CRTAP: variants seen among roughly 807,000 people sequenced by gnomAD.
The protein encoded by CRTAP is cartilage associated protein.
A neutral mutation model predicts 42.7 loss-of-function variants in CRTAP; 33 were observed. The ratio of observed to expected loss-of-function variants is 0.77; its 90% CI spans 0.59 to 1.03. CRTAP has a LOEUF of 1.03. Among genes scored for constraint, CRTAP ranks in the 50% least tolerant of loss-of-function variants. The pLI, the probability that CRTAP is intolerant of heterozygous loss-of-function variation, is 0.00. For synonymous variants in CRTAP, 243 were observed against 217.7 expected, an observed-to-expected ratio of 1.12 and a Z score of -1.02; for missense variants, 613 against 533.9, an observed-to-expected ratio of 1.15 and a Z score of -1.46.
In CRTAP at chr3:33,143,243, G is replaced by A. The variant is rs916774968; in HGVS notation, c.*795G>A. On this transcript the variant is annotated 3_prime_UTR_variant, in exon 7 of 7. Coordinates refer to ENST00000320954, the MANE Select transcript of CRTAP (RefSeq NM_006371.5). The stretch of plus-strand genomic sequence containing the variant: ...TTCTCCCCATCCGGGAAAGATGGTG[G>A]AAGACATAGGCTAAATTTCTCCAGC... 1.3e-5 allele frequency: 2 copies of A among 152,238 alleles called. No individual in the cohort carries two copies. The highest frequency in any genetic ancestry group is 2.9e-5 in the Non-Finnish European group (2 of 68,060). The allele number at this position is 152,238 out of a possible 1,614,324, so 9.4% of individuals were successfully genotyped here.
intron 6 of CRTAP, among the ~76,000 whole-genome samples, chr3:33,139,807 A>G (rs981595990): frequency 1.3e-4 from 20 of 152,136 alleles, no homozygotes; most frequent in African/African-American, 4.6e-4. Context: ...TTTGTGTTGA[A>G]TTTTGTCAAA....
At chr3:33,141,225 C>T (rs989518001) in intron 6 of CRTAP, among the ~76,000 whole-genome samples, 1 of 152,166 alleles carries the variant, frequency 6.6e-6, no homozygotes, top group African/African-American at 2.4e-5. Context: ...TAAAAGCAAA[C>T]AATACCATCA....
chr3:33,124,411 C>G lies in CRTAP; in HGVS notation c.625C>G (p.Leu209Val). Residue 209 changes from leucine (L) to valine (V), a missense_variant, in exon 3 of 7, where the codon CTG becomes GTG. Physicochemically the swap from Leu to Val is conservative, Grantham distance 32 (BLOSUM62 1). Coordinates refer to ENST00000320954, the MANE Select transcript of CRTAP (RefSeq NM_006371.5). ...CTGGCTTCTCCATGCCTTTCAGAGC[C>G]TGTTCATCCGAGCAGTGCGGGCATA... ...KDLETKSYES[L>V]FIRAVRAYNG... is the part of the protein sequence containing the mutation. The G allele has an allele frequency of 1.2e-6, 2 of 1,614,092 alleles. No homozygotes were observed. Among genetic ancestry groups the G allele is most frequent in the Non-Finnish European group, 1.7e-6 (2 of 1,180,036 alleles).
chr3:33,133,389 G>A (rs1458046916), intron 5 of CRTAP, among the ~76,000 whole-genome samples: 1 of 151,760 alleles, frequency 6.6e-6, no homozygotes, highest in African/African-American at 2.4e-5. Context: ...CTCCCGAGTA[G>A]CTGGGATTAC....
At chr3:33,122,770 G>A (rs1445047814) in intron 2 of CRTAP, among the ~76,000 whole-genome samples, 2 of 149,668 alleles carry the variant, frequency 1.3e-5, no homozygotes, top group East Asian at 2.0e-4. Flanking sequence ...GAGGCCTTAA[G>A]CTTGGTGAAA....
rs1340669173 is a variant in CRTAP, at chr3:33,147,122, G to A, written c.*4674G>A. 6.6e-6 allele frequency: 1 copy of A among 152,596 alleles called. No homozygotes were observed. Among genetic ancestry groups the A allele is most frequent in the East Asian group, 1.9e-4 (1 of 5,190 alleles). 9.5% of individuals were successfully genotyped at this position (152,596 alleles called of 1,614,324 possible). A position where few individuals can be genotyped will look rare whatever the true frequency, so the allele number is the denominator to read the frequency against. ...ACTCCAGGCCTGAATGACCTAGTGT[G>A]GAGAGTTTAAACTATGTACAAGGGA... On this transcript the variant is annotated 3_prime_UTR_variant, in exon 7 of 7. Coordinates refer to ENST00000320954, the MANE Select transcript of CRTAP (RefSeq NM_006371.5).
In CRTAP at chr3:33,129,920, T is replaced by C. The variant is rs573928986; in HGVS notation, c.794-19T>C. On this transcript the variant is annotated intron_variant, in intron 3 of 6. Transcript: ENST00000320954. Reference sequence around the variant, plus strand: ...AGTAATGGATCCACTGCTCTGAAAATTTATATGTTTTGTTTCAGATCATTA... The same window carrying C: ...AGTAATGGATCCACTGCTCTGAAAACTTATATGTTTTGTTTCAGATCATTA... 51 of 1,610,014 alleles carry C rather than the reference T, an allele frequency of 3.2e-5. No homozygotes were observed. In the South Asian group the frequency reaches 4.9e-4, roughly 16 times the overall value.
chr3:33,138,562 T>C (rs555138717), intron 6 of CRTAP, among the ~76,000 whole-genome samples: 3 of 152,240 alleles, frequency 2.0e-5, no homozygotes, highest in Admixed American at 6.5e-5. Context: ...TTTTCACTTT[T>C]GGGCATATTC....
intron 6 of CRTAP, among the ~76,000 whole-genome samples, chr3:33,136,490 C>T (rs1485101074): frequency 6.6e-6 from 1 of 152,198 alleles, no homozygotes; most frequent in Non-Finnish European, 1.5e-5. Context: ...GTGGTTCATG[C>T]CTGTAATCCC....
intron 2 of CRTAP, among the ~76,000 whole-genome samples, chr3:33,123,625 G>T (rs1337227702): frequency 3.8e-5 from 4 of 106,352 alleles, no homozygotes; most frequent in African/African-American, 7.6e-5. Context: ...CCCAGTCTCG[G>T]TTTTTTTTTT....
In CRTAP at chr3:33,132,639, T is replaced by C; in HGVS notation, c.1007T>C (p.Val336Ala). 6.2e-7 allele frequency: 1 copy of C among 1,614,122 alleles called. No individual in the cohort carries two copies. Among genetic ancestry groups the C allele is most frequent in the East Asian group, 2.2e-5 (1 of 44,882 alleles). ...QNDKVMQQNLVYYQYHRDTWG... is the reference protein window; with the variant it reads ...QNDKVMQQNLAYYQYHRDTWG... ...GACAAGGTCATGCAGCAGAACCTGG[T>C]GTATTACCAGTACCACAGGGACACT... The change falls in exon 5 of 7, where the codon GTG becomes GCG. Residue 336 changes from valine (V) to alanine (A), a missense_variant. Coordinates refer to ENST00000320954, the MANE Select transcript of CRTAP (RefSeq NM_006371.5).
At chr3:33,140,794 A>C (rs2030549474) in intron 6 of CRTAP, among the ~76,000 whole-genome samples, 1 of 152,230 alleles carries the variant, frequency 6.6e-6, no homozygotes, top group Non-Finnish European at 1.5e-5. Context: ...GAGTGCTCTC[A>C]GGTAGGAACG....
At chr3:33,137,766 A>G (rs1160185719) in intron 6 of CRTAP, among the ~76,000 whole-genome samples, 1 of 152,188 alleles carries the variant, frequency 6.6e-6, no homozygotes, top group Non-Finnish European at 1.5e-5. Context: ...CTAAGAAACC[A>G]TTGCCTAATC....
chr3:33,141,565 T>G (rs2030573503), intron 6 of CRTAP, among the ~76,000 whole-genome samples: 1 of 152,184 alleles, frequency 6.6e-6, no homozygotes, highest in Admixed American at 6.5e-5. Context: ...TGGCCTGGGA[T>G]GGTGAGCTCA....
intron 1 of CRTAP, among the ~76,000 whole-genome samples, chr3:33,119,703 T>G (rs1213854202): frequency 6.6e-6 from 1 of 152,168 alleles, no homozygotes; most frequent in Non-Finnish European, 1.5e-5. Context: ...GCAGTCATAT[T>G]GGGTAATTGG....
chr3:33,120,457 G>A lies in CRTAP; in HGVS notation c.585G>A (p.Glu195=), dbSNP rs1208285123. The A allele has an allele frequency of 1.5e-5, 24 of 1,611,390 alleles. No homozygotes were observed. Among genetic ancestry groups the A allele is most frequent in the African/African-American group, 2.7e-5 (2 of 74,794 alleles). Residue 195 remains glutamate (E), a synonymous_variant, in exon 2 of 7, where the codon GAG becomes GAA. Coordinates refer to ENST00000320954, the MANE Select transcript of CRTAP (RefSeq NM_006371.5). The part of the protein sequence containing the change: ...MAYYKSLPGA[E]DYIKDLETKS... The stretch of plus-strand genomic sequence containing the variant: ...ATTATAAGAGCCTGCCTGGTGCCGA[G>A]GACTACATTAAAGACCTGGAAACCA...
chr3:33,117,733 C>T (rs1701361004), intron 1 of CRTAP, among the ~76,000 whole-genome samples: 1 of 152,122 alleles, frequency 6.6e-6, no homozygotes, highest in Non-Finnish European at 1.5e-5. Context: ...TCTCAGGAAC[C>T]CAAGGCAAGG....
chr3:33,120,215 G>A (rs944249024), intron 1 of CRTAP, 129 bp from the exon 2 acceptor site: 1 of 858,288 alleles, frequency 1.2e-6, no homozygotes, highest in Non-Finnish European at 2.0e-6. Flanking sequence ...GGCCCTGGAA[G>A]TCATGGAACC....
At position 33,114,236 on chromosome 3, in the gene CRTAP, C is replaced by G. The variant is rs777920818; in HGVS notation, c.159C>G (p.Asp53Glu). The G allele has an allele frequency of 7.5e-6, 12 of 1,591,776 alleles. No homozygotes were observed. In the South Asian group the frequency reaches 1.0e-4, roughly 13 times the overall value. Residue 53 changes from aspartate (D) to glutamate (E), a missense_variant, in exon 1 of 7, where the codon GAC becomes GAG. Asp to Glu is a conservative substitution (Grantham distance 45). Coordinates refer to ENST00000320954, the MANE Select transcript of CRTAP (RefSeq NM_006371.5). ...PLESAYRHAL[D>E]KYSGEHWAES... Reference sequence around the variant, plus strand: ...AGTCGGCCTACCGGCACGCGCTGGACAAGTACAGCGGCGAGCACTGGGCCG... The same window carrying G: ...AGTCGGCCTACCGGCACGCGCTGGAGAAGTACAGCGGCGAGCACTGGGCCG...
Sources: allele counts gnomAD v4.1 joint callset (sites outside exome capture counted in the v4.1 genomes callset), GRCh38; gene constraint gnomAD v4.1.1; transcripts MANE v1.5; gene names NCBI Gene and HGNC (gene_info 2026-07-23, HGNC 2026-07-21).